Variants in CGNL1 observed in about 807,000 individuals in gnomAD.
CGNL1 encodes cingulin like 1, also known as cingulin-like protein 1.
CGNL1 carries 132 observed loss-of-function variants against 141.2 expected under a neutral mutation model. The observed-to-expected ratio is 0.93, with a 90% CI of 0.81 to 1.08. The LOEUF (loss-of-function observed/expected upper bound fraction) is 1.08. Among genes scored for constraint, CGNL1 ranks in the 50% least tolerant of loss-of-function variants. CGNL1 has a pLI of 0.00. For synonymous variants in CGNL1, 690 were observed against 622.1 expected (o/e 1.11, Z -1.63); for missense variants, 1,870 against 1,588.6 (o/e 1.18, Z -3.01).
At chr15:57,451,656 A>G in intron 5 of CGNL1, 55 bp downstream of exon 5, 1 of 1,315,738 alleles carries the variant, frequency 7.6e-7, no homozygotes, top group Non-Finnish European at 1.1e-6. Context: ...GTTGATAAAG[A>G]ATATTTTACA....
intron 4 of CGNL1, among the ~76,000 whole-genome samples, chr15:57,445,882 AG>A (rs1259752300): frequency 2.6e-5 from 4 of 152,266 alleles, no homozygotes; most frequent in African/African-American, 9.6e-5. Context: ...GAAGAAAAAA[AG>A]ATCCATTAAT....
chr15:57,460,249 C>T (rs746980508), intron 7 of CGNL1, among the ~76,000 whole-genome samples: 14 of 152,018 alleles, frequency 9.2e-5, no homozygotes, highest in Non-Finnish European at 1.6e-4. Flanking sequence ...AAAAGGCCAT[C>T]GGATATGAGT....
chr15:57,377,834 A>C (rs1379820414), intron 1 of CGNL1, among the ~76,000 whole-genome samples: 1 of 152,142 alleles, frequency 6.6e-6, no homozygotes, highest in Non-Finnish European at 1.5e-5. Flanking sequence ...GAATGATTTC[A>C]GATTAAAAGG....
intron 8 of CGNL1, among the ~76,000 whole-genome samples, chr15:57,482,240 AAAC>A (rs1487831823): frequency 1.3e-5 from 2 of 152,236 alleles, no homozygotes; most frequent in African/African-American, 4.8e-5. Context: ...AAACAAAACA[AAAC>A]AAAAAACCTT....
intron 7 of CGNL1, among the ~76,000 whole-genome samples, chr15:57,459,492 G>A (rs10048047): frequency 0.071 from 10,842 of 152,184 alleles, 663 homozygotes; most frequent in East Asian, 0.31. Context: ...AGGTCTTACC[G>A]TATCTGGGTC....
chr15:57,449,747 C>T (rs1239365951), intron 4 of CGNL1, among the ~76,000 whole-genome samples: 1 of 152,290 alleles, frequency 6.6e-6, no homozygotes, highest in South Asian at 2.1e-4. Context: ...CCTCTGGCAA[C>T]CCGTAATCTT....
intron 1 of CGNL1, among the ~76,000 whole-genome samples, chr15:57,426,151 CTT>C (rs1238162379): frequency 2.0e-5 from 3 of 146,606 alleles, no homozygotes; most frequent in Non-Finnish European, 1.5e-5. Flanking sequence ...AAGACACATT[CTT>C]TTTTTTTTTG....
rs564582552 is a variant in CGNL1, at chr15:57,493,956, A to G, written c.2404-22824A>G. Among the ~76,000 whole-genome samples, 10 of 152,348 alleles carry G rather than the reference A, an allele frequency of 6.6e-5. No homozygotes were observed. The South Asian group carries it at 1.7e-3, about 25-fold the overall frequency. On this transcript the variant is annotated intron_variant, in intron 8 of 18. Transcript: ENST00000281282. ...GTCCAGATCCCCAAGAGAACCAGGCATCTCTCCTAAATATGTGTAGATGAG... is the reference window on the plus strand; with the variant it reads ...GTCCAGATCCCCAAGAGAACCAGGCGTCTCTCCTAAATATGTGTAGATGAG...
chr15:57,430,855 G>T (rs1253074415), intron 1 of CGNL1, among the ~76,000 whole-genome samples: 2 of 152,176 alleles, frequency 1.3e-5, no homozygotes, highest in South Asian at 2.1e-4. Flanking sequence ...CAAGTAGCTG[G>T]GATTATAGGT....
intron 1 of CGNL1, among the ~76,000 whole-genome samples, chr15:57,416,493 C>T (rs139703073): frequency 1.3e-5 from 2 of 152,276 alleles, no homozygotes; most frequent in East Asian, 3.9e-4. Flanking sequence ...TCTCCTGACC[C>T]CTCTATCCCT....
intron 8 of CGNL1, among the ~76,000 whole-genome samples, chr15:57,487,793 G>C (rs563708717): frequency 6.6e-6 from 1 of 152,278 alleles, no homozygotes; most frequent in Non-Finnish European, 1.5e-5. Flanking sequence ...GATAGGCTAA[G>C]TGGGGAGAAA....
intron 1 of CGNL1, among the ~76,000 whole-genome samples, chr15:57,387,923 G>A (rs1401951129): frequency 6.6e-6 from 1 of 152,208 alleles, no homozygotes; most frequent in Admixed American, 6.5e-5. Context: ...GCAGGGGGTG[G>A]AGGACATTCT....
At chr15:57,472,101 A>G (rs1291896355) in intron 8 of CGNL1, among the ~76,000 whole-genome samples, 1 of 152,114 alleles carries the variant, frequency 6.6e-6, no homozygotes, top group African/African-American at 2.4e-5. Context: ...ATACATGTGT[A>G]ATTCAGATGT....
At chr15:57,484,925 GT>G (rs1233858351) in intron 8 of CGNL1, among the ~76,000 whole-genome samples, 3,818 of 145,050 alleles carry the variant, frequency 0.026, 83 homozygotes, top group African/African-American at 0.049. Context: ...GTTTCATTGG[GT>G]TTTTTTTTTT....
intron 8 of CGNL1, among the ~76,000 whole-genome samples, chr15:57,503,375 G>T (rs767907071): frequency 6.6e-6 from 1 of 152,194 alleles, no homozygotes. Flanking sequence ...AGAGTACCCT[G>T]CCAGATGCAG....
At chr15:57,451,334 C>T (rs1301499308) in intron 4 of CGNL1, among the ~76,000 whole-genome samples, 166 bp from the exon 5 acceptor site, 2 of 152,138 alleles carry the variant, frequency 1.3e-5, no homozygotes, top group African/African-American at 4.8e-5. Flanking sequence ...ACTCTGCCCA[C>T]CAAGTCAGGG....
rs777396993 is a variant in CGNL1, at chr15:57,523,489, G to A, written c.2716G>A (p.Gly906Arg). Residue 906 changes from glycine to arginine, a missense_variant and splice_region_variant, in exon 11 of 19, where the codon GGA becomes AGA. By Grantham distance (125) the Gly-to-Arg change is moderately radical. Transcript: ENST00000281282. ...ALENELEAAQ[G>R]NLSQTTQEQK... ...ACTGTCCTTTCCCTGCCATTTGCAG[G>A]GAAATCTGAGTCAGACTACCCAGGA... is the stretch of plus-strand genomic sequence containing the variant. 6.2e-7 allele frequency: 1 copy of A among 1,613,986 alleles called. No individual in the cohort carries two copies. The highest frequency in any genetic ancestry group is 8.5e-7 in the Non-Finnish European group (1 of 1,180,022).
chr15:57,437,641 A>AAAAAAAAAAAAAAAAAT (rs2063122190), intron 1 of CGNL1, among the ~76,000 whole-genome samples: 1 of 128,074 alleles, frequency 7.8e-6, no homozygotes, highest in Admixed American at 7.8e-5. Context: ...AAAAAAAAAA[A>AAAAAAAAAAAAAAAAAT]AAAAAAAAGG....
intron 1 of CGNL1, among the ~76,000 whole-genome samples, chr15:57,388,654 G>T (rs2062509823): frequency 6.6e-6 from 1 of 152,238 alleles, no homozygotes; most frequent in African/African-American, 2.4e-5. Context: ...TGCATACCTG[G>T]CAGCCTTGTG....
Sources: gnomAD v4.1 joint callset for allele counts (sites outside exome capture counted in the v4.1 genomes callset) on GRCh38, gnomAD v4.1.1 for gene constraint, MANE v1.5 for transcripts, NCBI Gene and HGNC (gene_info 2026-07-23, HGNC 2026-07-21) for gene names.